KPNA6: variants seen among roughly 807,000 people sequenced by gnomAD.
KPNA6 encodes karyopherin subunit alpha 6.
Under a neutral mutation model 72.0 loss-of-function variants are expected in KPNA6, and 9 were observed. That is an observed-to-expected ratio of 0.13 (90% confidence interval 0.08 to 0.22). The LOEUF is 0.22. KPNA6 is among the 10% of genes least tolerant of loss of function. The pLI is 1.00. For synonymous variants in KPNA6, 219 were observed against 242.1 expected (o/e 0.90, Z 0.89); for missense variants, 374 against 655.7 (o/e 0.57, Z 4.69).
At chr1:32,139,606 G>A (rs984635400) in intron 1 of KPNA6, among the ~76,000 whole-genome samples, 27 of 152,160 alleles carry the variant, frequency 1.8e-4, no homozygotes, top group South Asian at 2.1e-4. Flanking sequence ...AATGTGAGGC[G>A]TTCTATAAGA....
intron 3 of KPNA6, 146 bp from the exon 4 acceptor site, chr1:32,157,200 T>C (rs970857139): frequency 6.3e-6 from 4 of 639,970 alleles, no homozygotes; most frequent in Non-Finnish European, 1.1e-5. Flanking sequence ...GAAGCACCTA[T>C]AGATTAAACA....
chr1:32,111,415 G>A (rs186049495), intron 1 of KPNA6, among the ~76,000 whole-genome samples: 14 of 152,274 alleles, frequency 9.2e-5, no homozygotes, highest in Admixed American at 6.5e-4. Flanking sequence ...GTCTTGAAGG[G>A]GGTTTTTAGC....
At position 32,156,449 on chromosome 1, in the gene KPNA6, C is replaced by A. The variant is rs542083955; in HGVS notation, c.139-404C>A. Among the ~76,000 whole-genome samples, 8 of 152,256 alleles carry A rather than the reference C, an allele frequency of 5.3e-5. No individual in the cohort carries two copies. The East Asian group carries it at 1.5e-3, about 29-fold the overall frequency. The stretch of plus-strand genomic sequence containing the variant: ...CTAAGTAAAATAAGGGTTACTTGAA[C>A]ACAAGCAATTGCCACCTGATAACCA... On this transcript the variant is annotated intron_variant, in intron 2 of 13. Coordinates refer to ENST00000373625, the MANE Select transcript of KPNA6 (RefSeq NM_012316.5).
chr1:32,128,008 G>A (rs1641564339), intron 1 of KPNA6, among the ~76,000 whole-genome samples: 1 of 152,018 alleles, frequency 6.6e-6, no homozygotes, highest in South Asian at 2.1e-4. Context: ...GTGCTTAGGA[G>A]CTATTCAGTG....
intron 1 of KPNA6, among the ~76,000 whole-genome samples, chr1:32,135,693 C>G (rs1456592779): frequency 2.7e-5 from 4 of 148,962 alleles, no homozygotes; most frequent in Non-Finnish European, 5.9e-5. Flanking sequence ...GTCTTGACCT[C>G]TTGGGCTCAA....
intron 1 of KPNA6, among the ~76,000 whole-genome samples, chr1:32,125,923 T>TAA (rs1038489427): frequency 2.8e-5 from 4 of 142,636 alleles, no homozygotes; most frequent in Non-Finnish European, 6.0e-5. Context: ...AGACTATAAA[T>TAA]AATCTCATGT....
At chr1:32,156,740 C>T (rs1642150638) in intron 2 of KPNA6, 113 bp from the exon 3 acceptor site, 1 of 761,760 alleles carries the variant, frequency 1.3e-6, no homozygotes, top group Admixed American at 2.3e-5. Flanking sequence ...CTTGGCCTCA[C>T]TTCTCAGCTA....
chr1:32,119,739 TG>T (rs1436186636), intron 1 of KPNA6, among the ~76,000 whole-genome samples: 3 of 106,952 alleles, frequency 2.8e-5, no homozygotes, highest in Non-Finnish European at 5.3e-5. Flanking sequence ...GCTGGAAATC[TG>T]GAATTTTTTT....
intron 1 of KPNA6, among the ~76,000 whole-genome samples, chr1:32,145,724 T>C (rs1413979802): frequency 1.3e-5 from 2 of 151,614 alleles, no homozygotes; most frequent in Non-Finnish European, 2.9e-5. Flanking sequence ...TCAAAATCAG[T>C]TGGCTGGCCG....
At chr1:32,156,108 CT>C (rs879649294) in intron 2 of KPNA6, among the ~76,000 whole-genome samples, 249 of 142,366 alleles carry the variant, frequency 1.7e-3, no homozygotes, top group Admixed American at 2.1e-3. Context: ...TCCTTTTTTT[CT>C]TTTTTTTTTT....
At chr1:32,152,253 C>T (rs1642045048) in intron 1 of KPNA6, among the ~76,000 whole-genome samples, 1 of 152,030 alleles carries the variant, frequency 6.6e-6, no homozygotes, top group African/African-American at 2.4e-5. Context: ...TGTTTTAGCC[C>T]TGGAAGTTGA....
chr1:32,116,474 C>T (rs1641331108), intron 1 of KPNA6, among the ~76,000 whole-genome samples: 2 of 152,036 alleles, frequency 1.3e-5, no homozygotes, highest in African/African-American at 4.8e-5. Flanking sequence ...GCCTGACTAA[C>T]ATGGAGAAAC....
At chr1:32,121,321 A>T (rs1641429907) in intron 1 of KPNA6, among the ~76,000 whole-genome samples, 1 of 152,182 alleles carries the variant, frequency 6.6e-6, no homozygotes, top group African/African-American at 2.4e-5. Flanking sequence ...CCAAGGGGAA[A>T]AAAAATTAAG....
At chr1:32,157,316 G>A in intron 3 of KPNA6, 30 bp from the exon 4 acceptor site, 1 of 1,570,142 alleles carries the variant, frequency 6.4e-7, no homozygotes, top group Non-Finnish European at 8.8e-7. Context: ...ATGTTGGTTT[G>A]CAAAGTCCTA....
At position 32,138,061 on chromosome 1, in the gene KPNA6, G is replaced by A. The variant is rs79227477; in HGVS notation, c.5-16527G>A. ...GAGGTAAGAGAATCGCATCAACCCG[G>A]GAGGCAGAGGTTGCGATGAGCCAAG... is the stretch of plus-strand genomic sequence containing the variant. On this transcript the variant is annotated intron_variant, in intron 1 of 13. Transcript: ENST00000373625. 5.1e-4 allele frequency among the ~76,000 whole-genome samples: 78 copies of A among 151,904 alleles called. 2 individuals are homozygous for A. The East Asian group carries it at 0.013, about 26-fold the overall frequency.
intron 1 of KPNA6, among the ~76,000 whole-genome samples, chr1:32,123,788 C>G (rs1160087817): frequency 6.7e-6 from 1 of 148,588 alleles, no homozygotes; most frequent in East Asian, 2.0e-4. Flanking sequence ...GTAATCCCAG[C>G]ACTCTGGGAG....
At chr1:32,140,298 T>C (rs931144148) in intron 1 of KPNA6, among the ~76,000 whole-genome samples, 20 of 151,960 alleles carry the variant, frequency 1.3e-4, no homozygotes, top group African/African-American at 4.8e-4. Flanking sequence ...GCAGAAGAAT[T>C]GCTTGAACCC....
chr1:32,115,281 G>A (rs989705913), intron 1 of KPNA6, among the ~76,000 whole-genome samples: 9 of 151,792 alleles, frequency 5.9e-5, no homozygotes, highest in South Asian at 2.1e-4. Flanking sequence ...GACCACAGGC[G>A]CCCGCTACCA....
At chr1:32,141,327 C>CTCAGTTTT (rs531247733) in intron 1 of KPNA6, among the ~76,000 whole-genome samples, 255 of 143,220 alleles carry the variant, frequency 1.8e-3, no homozygotes, top group Non-Finnish European at 3.1e-3. Context: ...CTGAGTGAGC[C>CTCAGTTTT]TCAGTTTTTT....
Sources: gnomAD v4.1 joint callset for allele counts (sites outside exome capture counted in the v4.1 genomes callset) on GRCh38, gnomAD v4.1.1 for gene constraint, MANE v1.5 for transcripts, NCBI Gene and HGNC (gene_info 2026-07-23, HGNC 2026-07-21) for gene names.